The following MBD5 variants were observed in gnomAD, a reference collection of about 807,000 sequenced individuals.
MBD5 encodes methyl-CpG binding domain protein 5.
Under a neutral mutation model 117.3 loss-of-function variants are expected in MBD5, and 13 were observed. That is an observed-to-expected ratio of 0.11 (90% CI 0.07 to 0.18). The LOEUF is 0.18. Among genes scored for constraint, MBD5 ranks in the 10% least tolerant of loss-of-function variants. MBD5 has a pLI of 1.00. For synonymous variants in MBD5, 727 were observed against 766.4 expected (o/e 0.95, Z 0.85); for missense variants, 1,879 against 2,093.8 (o/e 0.90, Z 2.00).
At chr2:148,209,299 G>A (rs1699363977) in intron 2 of MBD5, among the ~76,000 whole-genome samples, 1 of 152,040 alleles carries the variant, frequency 6.6e-6, no homozygotes, top group Admixed American at 6.5e-5. Context: ...ATAATGTTAC[G>A]AGGTGGGACT....
At chr2:148,507,166 A>T (rs1268209903) in intron 12 of MBD5, among the ~76,000 whole-genome samples, 1 of 152,262 alleles carries the variant, frequency 6.6e-6, no homozygotes, top group Non-Finnish European at 1.5e-5. Flanking sequence ...TATTTTAAAT[A>T]TCTTGAAGAA....
intron 3 of MBD5, among the ~76,000 whole-genome samples, chr2:148,319,556 A>G (rs551111947): frequency 6.6e-6 from 1 of 152,188 alleles, no homozygotes; most frequent in Admixed American, 6.5e-5. Flanking sequence ...CCTTTACTAT[A>G]TCATTATTGG....
At chr2:148,025,713 C>A (rs1053486811) in intron 1 of MBD5, 6 of 152,076 alleles carry the variant, frequency 3.9e-5, no homozygotes, top group Admixed American at 1.3e-4. Context: ...TTTAGCAAAT[C>A]TAACAGCATG....
At chr2:148,036,029 A>G (rs1030138863) in intron 1 of MBD5, among the ~76,000 whole-genome samples, 4 of 152,312 alleles carry the variant, frequency 2.6e-5, no homozygotes, top group African/African-American at 9.6e-5. Flanking sequence ...ATTTGGTACA[A>G]TAAAACAAAT....
chr2:148,496,752 A>G (rs947687793), intron 11 of MBD5, among the ~76,000 whole-genome samples: 4 of 152,212 alleles, frequency 2.6e-5, no homozygotes, highest in Non-Finnish European at 5.9e-5. Context: ...ACTGCTATCC[A>G]AAGTGAAGAA....
At chr2:148,484,174 C>T (rs900528241) in intron 9 of MBD5, 39 bp downstream of exon 9, 11 of 1,390,920 alleles carry the variant, frequency 7.9e-6, no homozygotes, top group Admixed American at 3.2e-5. Flanking sequence ...ACAAAAGAAA[C>T]GTTTTTCTAA....
intron 12 of MBD5, among the ~76,000 whole-genome samples, chr2:148,509,660 C>G (rs938915185): frequency 2.0e-5 from 3 of 152,148 alleles, no homozygotes; most frequent in Non-Finnish European, 2.9e-5. Context: ...GCCCCTCCGC[C>G]CTTCCTCTGA....
intron 1 of MBD5, among the ~76,000 whole-genome samples, chr2:148,163,529 C>A (rs1290106368): frequency 6.6e-6 from 1 of 152,072 alleles, no homozygotes; most frequent in Non-Finnish European, 1.5e-5. Flanking sequence ...GACAATCCTA[C>A]CTCAGCCTAG....
intron 1 of MBD5, among the ~76,000 whole-genome samples, chr2:148,140,338 T>A (rs1055152071): frequency 6.6e-6 from 1 of 151,712 alleles, no homozygotes; most frequent in Admixed American, 6.5e-5. Context: ...TAGTTTTGTT[T>A]AACTATTCAA....
At chr2:148,412,441 G>T (rs762315191) in intron 4 of MBD5, among the ~76,000 whole-genome samples, 1 of 151,950 alleles carries the variant, frequency 6.6e-6, no homozygotes, top group Non-Finnish European at 1.5e-5. Flanking sequence ...GGCTGTTTGG[G>T]TGCTTCTTTG....
chr2:148,469,467 T>A lies in MBD5; in HGVS notation c.1524T>A (p.Pro508=), dbSNP rs773043343. The stretch of plus-strand genomic sequence containing the variant: ...CAAGGCCATCAATGCCATCAAGCCC[T>A]TCTACCAAGTCCGATGGACATCATC... ...GSPRPSMPSS[P]STKSDGHHQY... is the part of the protein sequence containing the mutation. Residue 508 remains proline (P), a synonymous_variant, in exon 8 of 14, where the codon CCT becomes CCA. Coordinates refer to ENST00000642680, the MANE Select transcript of MBD5 (RefSeq NM_001378120.1). 15 of 1,613,776 alleles carry A rather than the reference T, an allele frequency of 9.3e-6. No homozygotes were observed. Among genetic ancestry groups the A allele is most frequent in the African/African-American group, 1.3e-5 (1 of 74,922 alleles).
At chr2:148,322,821 A>G (rs1702318635) in intron 3 of MBD5, among the ~76,000 whole-genome samples, 2 of 152,158 alleles carry the variant, frequency 1.3e-5, no homozygotes, top group African/African-American at 2.4e-5. Context: ...AAGTAGATGC[A>G]AAAGTTATAT....
chr2:148,286,561 G>A (rs1177122358), intron 3 of MBD5, among the ~76,000 whole-genome samples: 1 of 152,142 alleles, frequency 6.6e-6, no homozygotes, highest in Non-Finnish European at 1.5e-5. Context: ...TGCAGATGAT[G>A]GACATTGCTT....
rs1693705884 is a variant in MBD5, at chr2:148,021,330, C to A, written c.-1279C>A. ...AAGGAGTTTCTTCTTCTTCGAAAAC[C>A]CCCATCCACGACTCCTACCCCCTCA... is the stretch of plus-strand genomic sequence containing the variant. On this transcript the variant is annotated 5_prime_UTR_variant, in exon 1 of 14. Transcript: ENST00000642680. The A allele has an allele frequency of 7.8e-6, 3 of 384,770 alleles. No homozygotes were observed. The highest frequency in any genetic ancestry group is 1.5e-5 in the Non-Finnish European group (3 of 194,102). The allele number at this position is 384,770 out of a possible 1,614,324, so 23.8% of individuals were successfully genotyped here. A position where few individuals can be genotyped will look rare whatever the true frequency, so the allele number is the denominator to read the frequency against.
At chr2:148,507,313 T>G (rs1682062548) in intron 12 of MBD5, among the ~76,000 whole-genome samples, 1 of 152,242 alleles carries the variant, frequency 6.6e-6, no homozygotes, top group Non-Finnish European at 1.5e-5. Flanking sequence ...TTTTGAAAAC[T>G]ATAGTCAAAT....
rs1412586978 is a variant in MBD5 at position 148,464,829 on chromosome 2, A to G, written c.397+910A>G. On this transcript the variant is annotated intron_variant, in intron 7 of 13. Coordinates refer to ENST00000642680, the MANE Select transcript of MBD5 (RefSeq NM_001378120.1). ...AAAAAAAAAAAAAAACTAGCCAGGC[A>G]TGGTGGTGGCTCATACCTTTAGTCT... Among the ~76,000 whole-genome samples, 4 of 148,634 alleles carry G rather than the reference A, an allele frequency of 2.7e-5. No individual in the cohort carries two copies. The East Asian group carries it at 7.9e-4, about 29-fold the overall frequency.
At chr2:148,512,813 G>A (rs1682257086) in intron 13 of MBD5, 57 bp from the exon 14 acceptor site, 1 of 1,484,386 alleles carries the variant, frequency 6.7e-7, no homozygotes. Flanking sequence ...AAATTTTATG[G>A]TGTTTGTGAT....
chr2:148,168,729 C>T (rs1050648700), intron 1 of MBD5, among the ~76,000 whole-genome samples: 2 of 151,742 alleles, frequency 1.3e-5, no homozygotes, highest in East Asian at 3.9e-4. Flanking sequence ...GGTGCCAGAG[C>T]GAGACCCTGT....
At chr2:148,025,660 T>C (rs916429151) in intron 1 of MBD5, 1 of 152,094 alleles carries the variant, frequency 6.6e-6, no homozygotes, top group South Asian at 2.1e-4. Context: ...TTGGAAGACA[T>C]TGTACATTTT....
Sources: allele counts gnomAD v4.1 joint callset (sites outside exome capture counted in the v4.1 genomes callset), GRCh38; gene constraint gnomAD v4.1.1; transcripts MANE v1.5; gene names NCBI Gene and HGNC (gene_info 2026-07-23, HGNC 2026-07-21).